TK2: variants seen among roughly 807,000 people sequenced by gnomAD.
TK2 encodes the protein thymidine kinase 2, mitochondrial.
TK2 carries 35 observed loss-of-function variants against 41.9 expected under a neutral mutation model. The ratio of observed to expected loss-of-function variants is 0.84; its 90% CI spans 0.64 to 1.11. The LOEUF (loss-of-function observed/expected upper bound fraction) is 1.11, where lower values mean the gene tolerates loss of function less well. Among genes scored for constraint, TK2 ranks in the 50% least tolerant of loss-of-function variants. TK2 has a pLI of 0.00. For synonymous variants in TK2, 128 were observed against 129.1 expected, an observed-to-expected ratio of 0.99 and a Z score of 0.06; for missense variants, 320 against 351.1, an observed-to-expected ratio of 0.91 and a Z score of 0.71.
At chr16:66,523,833 AAAAAAAC>A (rs940780661) in intron 6 of TK2, among the ~76,000 whole-genome samples, 18 of 152,220 alleles carry the variant, frequency 1.2e-4, no homozygotes, top group East Asian at 1.9e-4. Flanking sequence ...TCTCAAAATC[AAAAAAAC>A]AAAAAACAAA....
At chr16:66,540,393 A>C (rs2144453585) in intron 3 of TK2, among the ~76,000 whole-genome samples, 1 of 152,164 alleles carries the variant, frequency 6.6e-6, no homozygotes, top group South Asian at 2.1e-4. Context: ...GGCTACTCTT[A>C]AACTACTGGG....
intron 6 of TK2, among the ~76,000 whole-genome samples, chr16:66,518,586 T>A (rs376627897): frequency 2.7e-4 from 41 of 152,344 alleles, no homozygotes; most frequent in African/African-American, 9.1e-4. Flanking sequence ...ACCGCGGCAC[T>A]GTTTAAACCA....
In TK2 at chr16:66,529,001, AC is replaced by A. The variant is rs768548319; in HGVS notation, c.441del (p.Tyr148IlefsTer12). On this transcript the variant is annotated frameshift_variant, in exon 6 of 10. Transcript: ENST00000544898. LOFTEE classifies it high-confidence loss of function. The part of the protein sequence containing the change: ...HSARYIFVEN[L>X]YRSGKMPEVD... ...CTATTCAAACTACAGTACCTTCTAT[AC>A]AGGTTTTCTACAAAAATGTATCTTG... 2.0e-5 allele frequency: 33 copies of A among 1,613,924 alleles called. No homozygotes were observed. In the South Asian group the frequency reaches 3.6e-4, roughly 18 times the overall value.
At position 66,531,484 on chromosome 16, in the gene TK2, A is replaced by G; in HGVS notation, c.286-15T>C. 3.1e-6 allele frequency: 5 copies of G among 1,613,678 alleles called. No homozygotes were observed. Among genetic ancestry groups the G allele is most frequent in the Non-Finnish European group, 4.2e-6 (5 of 1,179,602 alleles). ...TACATCAGGCCCTGCAGAAGGGAAA[A>G]CACAGCACTTTCCATCAAAGTGGCA... On this transcript the variant is annotated splice_polypyrimidine_tract_variant and intron_variant, in intron 4 of 9. Coordinates refer to ENST00000544898, the MANE Select transcript of TK2 (RefSeq NM_004614.5).
chr16:66,510,228 AAG>A lies in TK2; in HGVS notation c.*1738_*1739del, dbSNP rs1555524489. 2.8e-4 allele frequency: 43 copies of A among 151,514 alleles called. No individual in the cohort carries two copies. Among genetic ancestry groups the A allele is most frequent in the African/African-American group, 9.7e-4 (40 of 41,352 alleles). 9.4% of individuals were successfully genotyped at this position (151,514 alleles called of 1,614,324 possible). A position where few individuals can be genotyped will look rare whatever the true frequency, so the allele number is the denominator to read the frequency against. ...CCTTAGGCAAAAAAAAAAAAAAAAA[AAG>A]AGAGAGAAATCACATTTCCCCAAAA... On this transcript the variant is annotated 3_prime_UTR_variant, in exon 10 of 10. Coordinates refer to ENST00000544898, the MANE Select transcript of TK2 (RefSeq NM_004614.5).
At chr16:66,528,179 G>A (rs760946501) in intron 6 of TK2, among the ~76,000 whole-genome samples, 6 of 152,190 alleles carry the variant, frequency 3.9e-5, no homozygotes, top group Non-Finnish European at 7.3e-5. Context: ...CTCCAGCGTT[G>A]ACATCCGAAC....
At chr16:66,523,521 C>T (rs2144378212) in intron 6 of TK2, among the ~76,000 whole-genome samples, 1 of 152,268 alleles carries the variant, frequency 6.6e-6, no homozygotes, top group African/African-American at 2.4e-5. Flanking sequence ...TTTGAAGGAG[C>T]CGAAACCTCT....
In TK2 at chr16:66,514,544, G is replaced by A. The variant is rs868282543; in HGVS notation, c.619-733C>T. On this transcript the variant is annotated intron_variant, in intron 8 of 9. Transcript: ENST00000544898. The surrounding 1 kb of genome is among the most constrained non-coding windows in gnomAD (Gnocchi z 4.2). ...GCAGCCTCTGCCCGGCTGCCACCCC[G>A]TCTAGGAAGTGAGGAGTGTCTCTGC... Among the ~76,000 whole-genome samples the A allele has an allele frequency of 6.6e-6, 1 of 152,248 alleles. No individual in the cohort carries two copies.
intron 4 of TK2, among the ~76,000 whole-genome samples, chr16:66,532,210 A>ACAAAT (rs1965137281): frequency 6.6e-6 from 1 of 152,186 alleles, no homozygotes; most frequent in Non-Finnish European, 1.5e-5. Context: ...ACCACAGGAT[A>ACAAAT]CAAATCAACA....
chr16:66,529,379 T>G (rs1462128594), intron 5 of TK2, among the ~76,000 whole-genome samples: 1 of 152,208 alleles, frequency 6.6e-6, no homozygotes, highest in African/African-American at 2.4e-5. Context: ...GAGTCTCAAC[T>G]AGAACACGGT....
At chr16:66,549,346 G>A in intron 1 of TK2, 6 of 1,151,610 alleles carry the variant, frequency 5.2e-6, no homozygotes, top group Middle Eastern at 7.5e-4. Flanking sequence ...CGGTGCACGG[G>A]GAAGAGTGGG....
intron 4 of TK2, among the ~76,000 whole-genome samples, chr16:66,534,637 A>C (rs747096822): frequency 1.6e-4 from 25 of 152,206 alleles, no homozygotes; most frequent in Non-Finnish European, 2.5e-4. Context: ...CCTTCTGCCT[A>C]AACACTCTTC....
intron 4 of TK2, among the ~76,000 whole-genome samples, chr16:66,535,978 G>A (rs968663679): frequency 1.3e-5 from 2 of 152,130 alleles, no homozygotes; most frequent in African/African-American, 4.8e-5. Flanking sequence ...GCTGAGGTGG[G>A]TGGCTCATGA....
At chr16:66,533,476 G>C (rs186531433) in intron 4 of TK2, among the ~76,000 whole-genome samples, 140 of 152,054 alleles carry the variant, frequency 9.2e-4, no homozygotes, top group Non-Finnish European at 1.5e-3. Flanking sequence ...CTTGAGCCCA[G>C]GAGTTAAAGG....
At chr16:66,533,075 C>CAT (rs1965165932) in intron 4 of TK2, among the ~76,000 whole-genome samples, 1 of 141,962 alleles carries the variant, frequency 7.0e-6, no homozygotes. Context: ...TGATAAAAAT[C>CAT]TTTTTTTTTT....
intron 2 of TK2, 109 bp downstream of exon 2, chr16:66,548,869 T>G (rs1965689009): frequency 2.9e-6 from 3 of 1,035,846 alleles, no homozygotes; most frequent in Non-Finnish European, 3.0e-6. Context: ...TCCTCTTGTA[T>G]TTTTGCTTTT....
chr16:66,529,147 C>T, intron 5 of TK2, 80 bp from the exon 6 acceptor site: 1 of 1,346,402 alleles, frequency 7.4e-7, no homozygotes, highest in Non-Finnish European at 1.1e-6. Context: ...TCTGTTACTC[C>T]CCCTGCCTGG....
chr16:66,511,911 T>G lies in TK2; in HGVS notation c.*57A>C. On this transcript the variant is annotated 3_prime_UTR_variant, in exon 10 of 10. Coordinates refer to ENST00000544898, the MANE Select transcript of TK2 (RefSeq NM_004614.5). ...GCAAGTTTTTCCAGATTGCTCCCAA[T>G]AGCTAACTTGGCAGCAGCAGGCATT... is the stretch of plus-strand genomic sequence containing the variant. The G allele has an allele frequency of 2.0e-6, 3 of 1,532,072 alleles. No homozygotes were observed. Among genetic ancestry groups the G allele is most frequent in the Non-Finnish European group, 2.7e-6 (3 of 1,105,778 alleles). 94.9% of individuals were successfully genotyped at this position (1,532,072 alleles called of 1,614,324 possible). A position where few individuals can be genotyped will look rare whatever the true frequency, so the allele number is the denominator to read the frequency against.
At chr16:66,536,868 G>A (rs1965300472) in intron 4 of TK2, 96 bp downstream of exon 4, 11 of 1,442,508 alleles carry the variant, frequency 7.6e-6, no homozygotes, top group Admixed American at 1.7e-5. Flanking sequence ...TAAGAGCGCA[G>A]AGAATGCCTG....
Sources: gnomAD v4.1 joint callset for allele counts (sites outside exome capture counted in the v4.1 genomes callset) on GRCh38, gnomAD v4.1.1 for gene constraint, Gnocchi (gnomAD v3.1) non-coding constraint, MANE v1.5 for transcripts, NCBI Gene and HGNC (gene_info 2026-07-23, HGNC 2026-07-21) for gene names.